The following COX6C variants were observed in gnomAD, a reference collection of about 807,000 sequenced individuals.
COX6C encodes the protein cytochrome c oxidase subunit 6C, also known as cytochrome c oxidase polypeptide VIc.
Under a neutral mutation model 6.9 loss-of-function variants are expected in COX6C, and 3 were observed. The observed-to-expected ratio is 0.43, with a 90% CI of 0.20 to 1.12. COX6C has a LOEUF of 1.12. Among genes scored for constraint, COX6C ranks in the 50% most tolerant of loss-of-function variants. COX6C has a pLI of 0.27. For synonymous variants in COX6C, 32 were observed against 32.0 expected (o/e 1.00, Z 0.00); for missense variants, 101 against 97.3 (o/e 1.04, Z -0.16).
intron 3 of COX6C, among the ~76,000 whole-genome samples, chr8:99,879,366 T>C (rs1046721683): frequency 4.6e-5 from 7 of 152,160 alleles, no homozygotes; most frequent in Non-Finnish European, 7.3e-5. Context: ...CCAAATACTT[T>C]TTTTTAAAAA....
intron 2 of COX6C, 79 bp from the exon 3 acceptor site, chr8:99,887,697 G>A: frequency 1.1e-6 from 1 of 909,624 alleles, no homozygotes. Context: ...ATAAAGACAA[G>A]GTAGAACACA....
intron 3 of COX6C, among the ~76,000 whole-genome samples, chr8:99,883,028 T>A (rs1283798515): frequency 6.6e-6 from 1 of 152,080 alleles, no homozygotes; most frequent in Non-Finnish European, 1.5e-5. Flanking sequence ...GCTCAAGCAA[T>A]TCACCTGCTT....
At chr8:99,893,447 G>A (rs548634616) in intron 1 of COX6C, 192 bp downstream of exon 1, 2 of 152,456 alleles carry the variant, frequency 1.3e-5, no homozygotes, top group South Asian at 4.1e-4. Flanking sequence ...ACCCACCCCG[G>A]TCCGTGGTCC....
At chr8:99,890,475 G>C (rs754836400) in intron 2 of COX6C, among the ~76,000 whole-genome samples, 2 of 152,158 alleles carry the variant, frequency 1.3e-5, no homozygotes, top group African/African-American at 4.8e-5. Flanking sequence ...CAAAGCACTT[G>C]AAACTCTACA....
At chr8:99,891,558 GA>G (rs1446375642) in intron 2 of COX6C, among the ~76,000 whole-genome samples, 1 of 152,142 alleles carries the variant, frequency 6.6e-6, no homozygotes, top group Non-Finnish European at 1.5e-5. Context: ...AAAAGAAAGG[GA>G]AAGAAGTTCA....
intron 3 of COX6C, among the ~76,000 whole-genome samples, chr8:99,881,120 G>A (rs1291525575): frequency 6.6e-6 from 1 of 152,166 alleles, no homozygotes; most frequent in Non-Finnish European, 1.5e-5. Context: ...AGGACTTTGG[G>A]AGGCCCAGGC....
At chr8:99,887,668 A>T in intron 2 of COX6C, 50 bp from the exon 3 acceptor site, 1 of 1,227,700 alleles carries the variant, frequency 8.1e-7, no homozygotes, top group South Asian at 1.4e-5. Flanking sequence ...ACTGGAAATT[A>T]GATTCCAGAT....
chr8:99,883,427 A>ATGTG (rs1817894573), intron 3 of COX6C, among the ~76,000 whole-genome samples: 3 of 139,546 alleles, frequency 2.1e-5, no homozygotes, highest in Admixed American at 1.4e-4. Flanking sequence ...GTGTGTGTAT[A>ATGTG]TATGTATGTG....
chr8:99,892,551 C>T (rs1818071148), intron 1 of COX6C, among the ~76,000 whole-genome samples: 1 of 151,996 alleles, frequency 6.6e-6, no homozygotes, highest in South Asian at 2.1e-4. Context: ...AAAAGAAAAA[C>T]TCAGAAAAGA....
chr8:99,883,453 G>GTGTGTATA (rs34497336), intron 3 of COX6C, among the ~76,000 whole-genome samples: 19 of 135,194 alleles, frequency 1.4e-4, no homozygotes, highest in East Asian at 8.7e-4. Context: ...GTGTGTGTGT[G>GTGTGTATA]TATATATATA....
intron 2 of COX6C, among the ~76,000 whole-genome samples, chr8:99,889,422 G>A (rs1400019525): frequency 7.2e-6 from 1 of 139,476 alleles, no homozygotes; most frequent in African/African-American, 2.7e-5. Flanking sequence ...TCTCGCTCTT[G>A]TTGCCCAGGC....
chr8:99,891,629 A>G (rs1360025734), intron 2 of COX6C, among the ~76,000 whole-genome samples: 1 of 152,204 alleles, frequency 6.6e-6, no homozygotes, highest in East Asian at 1.9e-4. Context: ...CTACAAGCCA[A>G]CAGAGGCCTC....
chr8:99,887,231 T>C (rs1817955889), intron 3 of COX6C: 1 of 277,624 alleles, frequency 3.6e-6, no homozygotes, highest in African/African-American at 2.3e-5. Flanking sequence ...GCATCAGCTG[T>C]TTACCCTTGT....
rs563313291 is a variant in COX6C, at chr8:99,883,469, A to ATTT, written c.*15+4020_*15+4021insAAA. On this transcript the variant is annotated intron_variant, in intron 3 of 3. Transcript: ENST00000520468. ...TGTGTGTGTGTATATATATATATAT[A>ATTT]TATTTTTTTTTTGGTAGAGATGGGG... Among the ~76,000 whole-genome samples the ATTT allele has an allele frequency of 6.0e-3, 859 of 142,770 alleles. 6 individuals are homozygous for ATTT. Among genetic ancestry groups the ATTT allele is most frequent in the Middle Eastern group, 0.011 (3 of 272 alleles). 93.7% of individuals were successfully genotyped at this position (142,770 alleles called of 152,430 possible).
chr8:99,891,162 G>A (rs1233693724), intron 2 of COX6C, among the ~76,000 whole-genome samples: 1 of 152,216 alleles, frequency 6.6e-6, no homozygotes, highest in African/African-American at 2.4e-5. Flanking sequence ...CAGTACCTCA[G>A]AATCTAAACG....
At chr8:99,891,029 C>A (rs747503040) in intron 2 of COX6C, among the ~76,000 whole-genome samples, 15 of 152,240 alleles carry the variant, frequency 9.9e-5, no homozygotes, top group Non-Finnish European at 1.8e-4. Flanking sequence ...CGTCAGGGCT[C>A]CTGAACCAAT....
intron 3 of COX6C, among the ~76,000 whole-genome samples, chr8:99,885,281 T>C (rs1228171898): frequency 6.6e-6 from 1 of 152,248 alleles, no homozygotes; most frequent in East Asian, 1.9e-4. Context: ...TTATTGTTGC[T>C]CATCTCTTAC....
intron 2 of COX6C, among the ~76,000 whole-genome samples, chr8:99,889,423 T>C (rs1021086050): frequency 1.3e-5 from 2 of 151,476 alleles, no homozygotes; most frequent in Admixed American, 1.3e-4. Context: ...CTCGCTCTTG[T>C]TGCCCAGGCT....
At chr8:99,878,713 A>C (rs1316834938) in intron 3 of COX6C, 1 of 152,202 alleles carries the variant, frequency 6.6e-6, no homozygotes, top group Non-Finnish European at 1.5e-5. Flanking sequence ...AACAAATTTA[A>C]ATTAGCCTAT....
Sources: allele counts gnomAD v4.1 joint callset (sites outside exome capture counted in the v4.1 genomes callset), GRCh38; gene constraint gnomAD v4.1.1; transcripts MANE v1.5; gene names NCBI Gene and HGNC (gene_info 2026-07-23, HGNC 2026-07-21).